SNX9: variants seen among roughly 807,000 people sequenced by gnomAD.
The protein encoded by SNX9 is sorting nexin-9.
A neutral mutation model predicts 89.4 loss-of-function variants in SNX9; 44 were observed. That is an observed-to-expected ratio of 0.49 (90% confidence interval 0.39 to 0.63). SNX9 has a LOEUF of 0.63. Ranked by LOEUF, SNX9 falls within the 30% of genes least tolerant of loss-of-function variation. The pLI is 0.00. For missense variants in SNX9, 578 were observed against 736.1 expected, an observed-to-expected ratio of 0.79 and a Z score of 2.49; for synonymous variants, 236 against 247.8, an observed-to-expected ratio of 0.95 and a Z score of 0.45.
intron 15 of SNX9, 94 bp from the exon 16 acceptor site, chr6:157,938,539 A>G: frequency 1.3e-6 from 1 of 769,940 alleles, no homozygotes; most frequent in South Asian, 2.0e-5. Flanking sequence ...GTTCAGTAGC[A>G]AATCAGTTAT....
At chr6:157,928,087 T>C (rs888501937) in intron 11 of SNX9, among the ~76,000 whole-genome samples, 8 of 152,190 alleles carry the variant, frequency 5.3e-5, no homozygotes, top group Non-Finnish European at 1.0e-4. Context: ...ACATTTTGTT[T>C]TATAATCTGC....
At chr6:157,937,866 A>G (rs776651788) in intron 15 of SNX9, among the ~76,000 whole-genome samples, 2 of 152,268 alleles carry the variant, frequency 1.3e-5, no homozygotes, top group Non-Finnish European at 2.9e-5. Context: ...CAGTCCTGGC[A>G]TGTGGCCATT....
intron 1 of SNX9, among the ~76,000 whole-genome samples, chr6:157,856,899 C>CT (rs1415594192): frequency 6.6e-6 from 1 of 151,780 alleles, no homozygotes; most frequent in African/African-American, 2.4e-5. Context: ...ATGCACTATG[C>CT]TTAGATGAAT....
At chr6:157,886,620 G>A (rs531868518) in intron 4 of SNX9, among the ~76,000 whole-genome samples, 3 of 152,252 alleles carry the variant, frequency 2.0e-5, no homozygotes, top group South Asian at 2.1e-4. Context: ...TTCCTTCCAC[G>A]CTTAGCTGGT....
intron 9 of SNX9, among the ~76,000 whole-genome samples, chr6:157,914,480 T>TTTTTTTTTC (rs1554296687): frequency 4.5e-5 from 6 of 133,328 alleles, no homozygotes; most frequent in Admixed American, 1.5e-4. Context: ...TTTTTTTTTT[T>TTTTTTTTTC]TTTTTTTTTT....
chr6:157,858,027 A>C lies in SNX9; in HGVS notation c.13-9520A>C, dbSNP rs565429696. On this transcript the variant is annotated intron_variant, in intron 1 of 17. Coordinates refer to ENST00000392185, the MANE Select transcript of SNX9 (RefSeq NM_016224.5). ...TTCATGTTAGGGTCTCACCTTACAC[A>C]GCTAGGATGATGCGGGCCTCTTTCC... Among the ~76,000 whole-genome samples, 29 of 152,214 alleles carry C rather than the reference A, an allele frequency of 1.9e-4. 1 individual carries two copies. Among genetic ancestry groups the C allele is most frequent in the Middle Eastern group, 3.4e-3 (1 of 294 alleles).
At chr6:157,854,613 T>C (rs1443839190) in intron 1 of SNX9, among the ~76,000 whole-genome samples, 1 of 151,846 alleles carries the variant, frequency 6.6e-6, no homozygotes, top group Non-Finnish European at 1.5e-5. Flanking sequence ...CCTTTGGCAC[T>C]TTTAGAAACT....
intron 9 of SNX9, among the ~76,000 whole-genome samples, chr6:157,917,408 A>C (rs921862688): frequency 6.6e-6 from 1 of 152,080 alleles, no homozygotes; most frequent in African/African-American, 2.4e-5. Flanking sequence ...TATTTCCGCT[A>C]TCACAGGCAT....
intron 1 of SNX9, among the ~76,000 whole-genome samples, chr6:157,850,838 G>T (rs1781896429): frequency 6.6e-6 from 1 of 152,198 alleles, no homozygotes; most frequent in Non-Finnish European, 1.5e-5. Flanking sequence ...CTGGGCCTGT[G>T]CTGGGGTGCA....
intron 2 of SNX9, among the ~76,000 whole-genome samples, chr6:157,871,835 G>A (rs1254763852): frequency 6.8e-6 from 1 of 147,490 alleles, no homozygotes. Flanking sequence ...GGAGTGAGGT[G>A]GTGTGATCTT....
At chr6:157,889,912 G>A (rs1016434004) in intron 4 of SNX9, among the ~76,000 whole-genome samples, 1 of 152,144 alleles carries the variant, frequency 6.6e-6, no homozygotes, top group Non-Finnish European at 1.5e-5. Context: ...TAGATGCTTT[G>A]TATGCATTAT....
At chr6:157,905,186 T>A (rs1193233751) in intron 6 of SNX9, among the ~76,000 whole-genome samples, 1 of 151,970 alleles carries the variant, frequency 6.6e-6, no homozygotes, top group Non-Finnish European at 1.5e-5. Context: ...TAAAGGAATG[T>A]CTAGAGAAAG....
chr6:157,844,660 C>T (rs908840550), intron 1 of SNX9, among the ~76,000 whole-genome samples: 2 of 144,938 alleles, frequency 1.4e-5, no homozygotes, highest in Non-Finnish European at 3.0e-5. Context: ...GTGGTGCAAT[C>T]TCGGCTCACT....
chr6:157,828,624 G>C (rs946844919), intron 1 of SNX9, among the ~76,000 whole-genome samples: 1 of 152,090 alleles, frequency 6.6e-6, no homozygotes, highest in African/African-American at 2.4e-5. Flanking sequence ...CTCCCAAGTA[G>C]CTGGGACTAC....
At chr6:157,931,517 C>A (rs952946230) in intron 12 of SNX9, among the ~76,000 whole-genome samples, 1 of 152,172 alleles carries the variant, frequency 6.6e-6, no homozygotes, top group Non-Finnish European at 1.5e-5. Flanking sequence ...TTGGGAAGTT[C>A]TCCAAAGTGA....
intron 5 of SNX9, among the ~76,000 whole-genome samples, chr6:157,897,824 T>A (rs1402391557): frequency 2.0e-5 from 3 of 152,186 alleles, no homozygotes; most frequent in Non-Finnish European, 2.9e-5. Flanking sequence ...CCGGCATGAT[T>A]GATTATTAAC....
chr6:157,870,937 C>T (rs1358964005), intron 2 of SNX9, among the ~76,000 whole-genome samples: 1 of 152,274 alleles, frequency 6.6e-6, no homozygotes, highest in Non-Finnish European at 1.5e-5. Flanking sequence ...CACGCACACT[C>T]GCATGCTCAC....
chr6:157,918,890 C>A (rs1040463936), intron 9 of SNX9, among the ~76,000 whole-genome samples: 1 of 151,894 alleles, frequency 6.6e-6, no homozygotes, highest in African/African-American at 2.4e-5. Flanking sequence ...CTCATTTATG[C>A]CATTATTTTT....
intron 17 of SNX9, among the ~76,000 whole-genome samples, chr6:157,941,197 T>TG (rs1446634473): frequency 6.6e-6 from 1 of 152,174 alleles, no homozygotes; most frequent in East Asian, 1.9e-4. Context: ...GCAGGGGTCT[T>TG]GGATGCTAGT....
Sources: allele counts gnomAD v4.1 joint callset (sites outside exome capture counted in the v4.1 genomes callset), GRCh38; gene constraint gnomAD v4.1.1; transcripts MANE v1.5; gene names NCBI Gene and HGNC (gene_info 2026-07-23, HGNC 2026-07-21).